Variants in NBAS observed in about 807,000 individuals in gnomAD.
The protein encoded by NBAS is NBAS subunit of NRZ tethering complex.
NBAS carries 219 observed loss-of-function variants against 302.5 expected under a neutral mutation model. The ratio of observed to expected loss-of-function variants is 0.72; its 90% CI spans 0.65 to 0.81. NBAS has a LOEUF of 0.81. Among genes scored for constraint, NBAS ranks in the 30% least tolerant of loss-of-function variants. The probability of loss-of-function intolerance (pLI) is 0.00; values close to 1 mark genes in which losing one functional copy is unlikely to be tolerated. For missense variants in NBAS, 2,932 were observed against 2,841.6 expected, an observed-to-expected ratio of 1.03 and a Z score of -0.72; for synonymous variants, 1,118 against 1,021.6, an observed-to-expected ratio of 1.09 and a Z score of -1.80.
At chr2:15,139,892 C>T in the NBAS span, among the ~76,000 whole-genome samples, 48 of 152,234 alleles carry the variant, frequency 3.2e-4, 1 homozygote, top group African/African-American at 9.1e-4. Flanking sequence ...CAAATACAGC[C>T]GCAGTAACAT....
intron 32 of NBAS, among the ~76,000 whole-genome samples, 177 bp from the exon 33 acceptor site, chr2:15,356,593 T>TCTTAGG (rs1673635264): frequency 2.0e-5 from 3 of 152,290 alleles, no homozygotes; most frequent in Admixed American, 2.0e-4. Context: ...AGCATGGAAT[T>TCTTAGG]AGCCATCAGT....
At chr2:15,466,029 T>C (rs1056253252) in intron 19 of NBAS, among the ~76,000 whole-genome samples, 1 of 152,226 alleles carries the variant, frequency 6.6e-6, no homozygotes, top group African/African-American at 2.4e-5. Context: ...AAACTAATTG[T>C]ATCTATCAAT....
chr2:15,400,925 G>A (rs73198695), intron 26 of NBAS, among the ~76,000 whole-genome samples: 2,463 of 152,126 alleles, frequency 0.016, 72 homozygotes, highest in African/African-American at 0.056. Context: ...TCTATTTCCC[G>A]TATTAACTGC....
chr2:15,156,983 C>G, the NBAS span, among the ~76,000 whole-genome samples: 1 of 152,148 alleles, frequency 6.6e-6, no homozygotes, highest in South Asian at 2.1e-4. Flanking sequence ...CCACCCCCCT[C>G]TCACACACAC....
chr2:15,150,146 A>C, the NBAS span, among the ~76,000 whole-genome samples: 1 of 152,172 alleles, frequency 6.6e-6, no homozygotes, highest in Non-Finnish European at 1.5e-5. Context: ...ATTGTGAAAT[A>C]ATAAGTAATC....
At chr2:15,228,303 T>G (rs1390311058) in intron 47 of NBAS, among the ~76,000 whole-genome samples, 1 of 152,140 alleles carries the variant, frequency 6.6e-6, no homozygotes, top group Non-Finnish European at 1.5e-5. Context: ...AAAATGACAG[T>G]GAGTTTTCAT....
chr2:15,372,506 AT>A (rs1432930873), intron 31 of NBAS, among the ~76,000 whole-genome samples: 3 of 152,236 alleles, frequency 2.0e-5, no homozygotes, highest in Non-Finnish European at 2.9e-5. Flanking sequence ...AAATTTCTAA[AT>A]ATCTAGTTGT....
the NBAS span, among the ~76,000 whole-genome samples, chr2:15,111,462 C>T: frequency 6.6e-6 from 1 of 152,110 alleles, no homozygotes; most frequent in African/African-American, 2.4e-5. Flanking sequence ...GTGGATCTAA[C>T]AACTGTGAAA....
chr2:14,839,443 G>A, the NBAS span, among the ~76,000 whole-genome samples: 13 of 151,984 alleles, frequency 8.6e-5, no homozygotes, highest in Non-Finnish European at 1.6e-4. Context: ...ATATCCCTGA[G>A]GACAGCCAGA....
At chr2:14,864,890 A>G in the NBAS span, among the ~76,000 whole-genome samples, 9 of 152,226 alleles carry the variant, frequency 5.9e-5, no homozygotes, top group East Asian at 3.8e-4. Context: ...AAAAAGTGTT[A>G]GCTTGTATTA....
intron 40 of NBAS, among the ~76,000 whole-genome samples, chr2:15,297,646 G>A (rs947377837): frequency 6.6e-6 from 1 of 152,166 alleles, no homozygotes; most frequent in Non-Finnish European, 1.5e-5. Context: ...TTAAGCCTGT[G>A]GAGCTATGAG....
chr2:15,184,111 T>C (rs1664958233), intron 50 of NBAS, among the ~76,000 whole-genome samples: 1 of 152,190 alleles, frequency 6.6e-6, no homozygotes, highest in African/African-American at 2.4e-5. Context: ...TTCTTCTATG[T>C]ATGTAAAATG....
At chr2:15,139,621 C>T in the NBAS span, among the ~76,000 whole-genome samples, 102 of 152,200 alleles carry the variant, frequency 6.7e-4, no homozygotes, top group Middle Eastern at 6.8e-3. Context: ...GAAAATCCTG[C>T]TTCCTGCTGT....
At chr2:15,440,272 C>T (rs1385749127) in intron 21 of NBAS, among the ~76,000 whole-genome samples, 1 of 152,232 alleles carries the variant, frequency 6.6e-6, no homozygotes, top group Non-Finnish European at 1.5e-5. Context: ...TAGGGGCAGA[C>T]TGACACTTCA....
intron 38 of NBAS, among the ~76,000 whole-genome samples, chr2:15,309,655 G>A (rs192443748): frequency 2.0e-5 from 3 of 152,168 alleles, no homozygotes; most frequent in African/African-American, 2.4e-5. Flanking sequence ...AGCTTTAGGA[G>A]TGCAAATTTA....
At chr2:14,995,719 G>T in the NBAS span, among the ~76,000 whole-genome samples, 2 of 152,152 alleles carry the variant, frequency 1.3e-5, no homozygotes, top group African/African-American at 4.8e-5. Context: ...TCTCCCCAAA[G>T]AACTTCCCCC....
the NBAS span, among the ~76,000 whole-genome samples, chr2:14,906,458 G>A: frequency 3.9e-5 from 6 of 152,170 alleles, no homozygotes; most frequent in Non-Finnish European, 5.9e-5. Flanking sequence ...CTCAGCTACT[G>A]AAGGCACGGA....
At chr2:15,371,425 A>C (rs1451216471) in intron 31 of NBAS, among the ~76,000 whole-genome samples, 2 of 152,184 alleles carry the variant, frequency 1.3e-5, no homozygotes, top group East Asian at 3.8e-4. Context: ...TCACTCAATA[A>C]ATATTAGCTA....
chr2:15,256,729 C>G (rs184147439), intron 44 of NBAS, among the ~76,000 whole-genome samples: 117 of 152,238 alleles, frequency 7.7e-4, no homozygotes, highest in African/African-American at 2.7e-3. Context: ...AGGTATGTCC[C>G]TTATATGCCA....
Sources: allele counts gnomAD v4.1 joint callset (sites outside exome capture counted in the v4.1 genomes callset), GRCh38; gene constraint gnomAD v4.1.1; transcripts MANE v1.5; gene names NCBI Gene and HGNC (gene_info 2026-07-23, HGNC 2026-07-21).